TTI1: variants seen among roughly 807,000 people sequenced by gnomAD.
The protein encoded by TTI1 is TELO2-interacting protein 1 homolog.
A neutral mutation model predicts 85.4 loss-of-function variants in TTI1; 52 were observed. That is an observed-to-expected ratio of 0.61 (90% CI 0.49 to 0.77). The LOEUF is 0.77. TTI1 is among the 30% of genes least tolerant of loss of function. The pLI is 0.00. For missense variants in TTI1, 1,173 were observed against 1,296.0 expected (o/e 0.91, Z 1.46); for synonymous variants, 512 against 503.9 (o/e 1.02, Z -0.22).
At chr20:37,987,606 C>T (rs532240498) in intron 7 of TTI1, among the ~76,000 whole-genome samples, 1 of 152,272 alleles carries the variant, frequency 6.6e-6, no homozygotes, top group Admixed American at 6.5e-5. Context: ...CACATGCCTC[C>T]GAGTGTCCTG....
At chr20:38,033,023 C>T (rs911604770) in intron 1 of TTI1, among the ~76,000 whole-genome samples, 2 of 152,166 alleles carry the variant, frequency 1.3e-5, no homozygotes, top group African/African-American at 4.8e-5. Context: ...GAGCCGAGAG[C>T]CCAAATGTGT....
chr20:37,990,254 T>A (rs1050514096), intron 7 of TTI1, among the ~76,000 whole-genome samples: 3 of 152,258 alleles, frequency 2.0e-5, no homozygotes, highest in Non-Finnish European at 2.9e-5. Context: ...ATGTTCCAAG[T>A]CATTTTCGGA....
At chr20:38,030,824 C>T (rs1430366924) in intron 1 of TTI1, among the ~76,000 whole-genome samples, 1 of 152,198 alleles carries the variant, frequency 6.6e-6, no homozygotes, top group African/African-American at 2.4e-5. Flanking sequence ...AACCCAACTG[C>T]CCCTTAGACA....
intron 7 of TTI1, among the ~76,000 whole-genome samples, chr20:37,984,504 T>C (rs1291961992): frequency 1.3e-5 from 2 of 152,196 alleles, no homozygotes; most frequent in African/African-American, 4.8e-5. Context: ...AGGGCCACTG[T>C]GTTGGGCAGT....
intron 1 of TTI1, among the ~76,000 whole-genome samples, chr20:38,028,268 C>T (rs1015340242): frequency 2.0e-5 from 3 of 152,106 alleles, no homozygotes; most frequent in Non-Finnish European, 2.9e-5. Flanking sequence ...TCTAACTACA[C>T]GCTGTCTATA....
chr20:37,983,592 A>C lies in TTI1; in HGVS notation c.3134T>G (p.Leu1045Arg), dbSNP rs761768222. The C allele has an allele frequency of 6.4e-7, 1 of 1,568,548 alleles. No homozygotes were observed. The highest frequency in any genetic ancestry group is 2.3e-5 in the East Asian group (1 of 43,350). ...CACGGGGCAGTAAAGCTCGTTCAGGAGGAACCAGGTGGAGTCTGGGTCCAC... is the reference window on the plus strand; with the variant it reads ...CACGGGGCAGTAAAGCTCGTTCAGGCGGAACCAGGTGGAGTCTGGGTCCAC... Reference protein sequence around the residue: ...MKVDPDSTWFLLNELYCPVQF... With the variant: ...MKVDPDSTWFRLNELYCPVQF... Residue 1045 changes from leucine (L) to arginine (R), a missense_variant, in exon 8 of 8, where the codon CTC (leucine) becomes CGC (arginine). Leu to Arg is a moderately radical substitution (Grantham distance 102, BLOSUM62 -2). Coordinates refer to ENST00000373447, the MANE Select transcript of TTI1 (RefSeq NM_001303457.2).
At chr20:37,996,343 G>A (rs777673967) in intron 7 of TTI1, 32 bp downstream of exon 7, 18 of 1,611,382 alleles carry the variant, frequency 1.1e-5, no homozygotes, top group Admixed American at 3.3e-5. Context: ...TAGAACAAAC[G>A]TAAAGGGATG....
chr20:37,991,611 T>TGAGGAAG (rs1410779035), intron 7 of TTI1, among the ~76,000 whole-genome samples: 1 of 152,232 alleles, frequency 6.6e-6, no homozygotes, highest in African/African-American at 2.4e-5. Context: ...AAGATCCTTT[T>TGAGGAAG]GAGGTGAAAT....
At chr20:37,996,571 C>T in intron 6 of TTI1, 109 bp from the exon 7 acceptor site, 3 of 1,421,714 alleles carry the variant, frequency 2.1e-6, no homozygotes, top group African/African-American at 2.8e-5. Context: ...ATGCTCTGGG[C>T]TCTCTACTCC....
At chr20:38,015,394 G>A (rs1052396218) in intron 1 of TTI1, among the ~76,000 whole-genome samples, 2 of 152,120 alleles carry the variant, frequency 1.3e-5, no homozygotes, top group Non-Finnish European at 2.9e-5. Flanking sequence ...AAAATGCCAC[G>A]CGTGGCAGCC....
chr20:38,002,514 A>AT, intron 4 of TTI1, 114 bp downstream of exon 4: 1 of 1,373,408 alleles, frequency 7.3e-7, no homozygotes, highest in South Asian at 1.4e-5. Context: ...CTTGGCCACC[A>AT]CACGTGGACC....
intron 1 of TTI1, among the ~76,000 whole-genome samples, chr20:38,032,586 G>C (rs746744261): frequency 1.3e-5 from 2 of 152,186 alleles, no homozygotes; most frequent in Non-Finnish European, 2.9e-5. Flanking sequence ...GTCTCAGATA[G>C]TGTTTTGTTT....
At position 37,983,510 on chromosome 20, in the gene TTI1, C is replaced by A; in HGVS notation, c.3216G>T (p.Gly1072=). The A allele has an allele frequency of 6.2e-7, 1 of 1,611,448 alleles. No individual in the cohort carries two copies. Among genetic ancestry groups the A allele is most frequent in the South Asian group, 1.1e-5 (1 of 91,002 alleles). The change falls in exon 8 of 8, where the codon GGG becomes GGT. Residue 1072 remains glycine, a synonymous_variant. Coordinates refer to ENST00000373447, the MANE Select transcript of TTI1 (RefSeq NM_001303457.2). Reference sequence around the variant, plus strand: ...CGTTGGTCGTGTAGGGGTTCTGCTGCCCGCTGGCCCCGTGCAGCTGCACAG... The same window carrying A: ...CGTTGGTCGTGTAGGGGTTCTGCTGACCGCTGGCCCCGTGCAGCTGCACAG... ...LHPVQLHGAS[G]QQNPYTTNVL... is the part of the protein sequence containing the mutation.
intron 7 of TTI1, among the ~76,000 whole-genome samples, chr20:37,995,036 G>A (rs573452687): frequency 1.3e-5 from 2 of 152,200 alleles, no homozygotes; most frequent in African/African-American, 4.8e-5. Context: ...TTTACTTCAA[G>A]ATAAACTCAT....
intron 7 of TTI1, among the ~76,000 whole-genome samples, chr20:37,985,632 A>C (rs1190400760): frequency 6.6e-6 from 1 of 151,634 alleles, no homozygotes; most frequent in African/African-American, 2.4e-5. Context: ...GGTTCAAGCG[A>C]TCCTCCTGCC....
chr20:38,001,201 A>G (rs2073421153), intron 4 of TTI1, among the ~76,000 whole-genome samples: 1 of 152,188 alleles, frequency 6.6e-6, no homozygotes. Context: ...TAGCACATGA[A>G]TGAGTGTATG....
chr20:37,988,193 C>A (rs1417509425), intron 7 of TTI1, among the ~76,000 whole-genome samples: 2 of 152,180 alleles, frequency 1.3e-5, no homozygotes, highest in South Asian at 2.1e-4. Flanking sequence ...AAGTGATGTG[C>A]GGGTGGCACC....
In TTI1 at chr20:38,019,934, T is replaced by C. The variant is rs150917138; in HGVS notation, c.-41-6077A>G. On this transcript the variant is annotated intron_variant, in intron 1 of 7. Transcript: ENST00000373447. The stretch of plus-strand genomic sequence containing the variant: ...CTAGATGTCCTGTCAAGGACAAAAA[T>C]TGTCCCTGGATTTGGTACCATTGGT... Among the ~76,000 whole-genome samples, 408 of 152,262 alleles carry C rather than the reference T, an allele frequency of 2.7e-3. 3 individuals carry two copies. Among genetic ancestry groups the C allele is most frequent in the African/African-American group, 9.6e-3 (397 of 41,542 alleles).
In TTI1 at chr20:37,987,217, G is replaced by A. The variant is rs146829517; in HGVS notation, c.3087-3578C>T. On this transcript the variant is annotated intron_variant, in intron 7 of 7. Transcript: ENST00000373447. Reference sequence around the variant, plus strand: ...CAAACTCTGGTGTCACTTTGTCCTGGGGCCAGTTCCTGCCCAGCCTTAGCT... The same window carrying A: ...CAAACTCTGGTGTCACTTTGTCCTGAGGCCAGTTCCTGCCCAGCCTTAGCT... The A allele has an allele frequency of 7.4e-5, 34 of 456,702 alleles. No homozygotes were observed. The East Asian group carries it at 1.5e-3, about 20-fold the overall frequency. The allele number at this position is 456,702 out of a possible 1,614,324, so 28.3% of individuals were successfully genotyped here. A position where few individuals can be genotyped will look rare whatever the true frequency, so the allele number is the denominator to read the frequency against.
Sources: allele counts gnomAD v4.1 joint callset (sites outside exome capture counted in the v4.1 genomes callset), GRCh38; gene constraint gnomAD v4.1.1; transcripts MANE v1.5; gene names NCBI Gene and HGNC (gene_info 2026-07-23, HGNC 2026-07-21).